RGS22: variants seen among roughly 807,000 people sequenced by gnomAD.
The protein encoded by RGS22 is regulator of G protein signaling 22.
In RGS22, 148 loss-of-function variants were observed where a neutral mutation model predicts 172.9. The observed-to-expected ratio is 0.86, with a 90% CI of 0.75 to 0.98. The LOEUF (loss-of-function observed/expected upper bound fraction) is 0.98. Among genes scored for constraint, RGS22 ranks in the 50% least tolerant of loss-of-function variants. RGS22 has a pLI of 0.00. For missense variants in RGS22, 1,347 were observed against 1,440.8 expected, an observed-to-expected ratio of 0.93 and a Z score of 1.05; for synonymous variants, 458 against 480.2, an observed-to-expected ratio of 0.95 and a Z score of 0.60.
intron 1 of RGS22, chr8:100,105,631 C>A (rs531995380): frequency 1.7e-6 from 1 of 590,988 alleles, no homozygotes; most frequent in South Asian, 2.2e-5. Flanking sequence ...CACTGTGACC[C>A]AGGAGTTACC....
chr8:100,037,700 G>A (rs1304252472), intron 14 of RGS22, among the ~76,000 whole-genome samples: 1 of 152,200 alleles, frequency 6.6e-6, no homozygotes, highest in Non-Finnish European at 1.5e-5. Context: ...CTTTGTAGTA[G>A]TGAAAACATA....
intron 15 of RGS22, among the ~76,000 whole-genome samples, chr8:100,006,908 G>C (rs189916717): frequency 1.3e-5 from 2 of 152,020 alleles, no homozygotes; most frequent in East Asian, 3.9e-4. Flanking sequence ...TTGGTTTAGG[G>C]AAGTTAGTTA....
intron 18 of RGS22, 69 bp downstream of exon 18, chr8:100,002,133 T>C (rs1815152677): frequency 8.0e-7 from 1 of 1,252,742 alleles, no homozygotes; most frequent in Non-Finnish European, 1.1e-6. Context: ...TTTCAGGTTG[T>C]TGGCAAAAAT....
At chr8:100,041,714 AT>A (rs1217755638) in intron 12 of RGS22, 87 bp downstream of exon 12, 1 of 714,014 alleles carries the variant, frequency 1.4e-6, no homozygotes, top group Non-Finnish European at 2.3e-6. Context: ...AAAAAATATT[AT>A]GATAAATCAA....
intron 4 of RGS22, among the ~76,000 whole-genome samples, chr8:100,076,846 A>G (rs1311696104): frequency 6.6e-6 from 1 of 152,178 alleles, no homozygotes; most frequent in Non-Finnish European, 1.5e-5. Context: ...TGCAAAAAGT[A>G]TCTGTGCATG....
chr8:100,081,375 T>TATATAC (rs1467686469), intron 3 of RGS22, among the ~76,000 whole-genome samples: 2 of 148,298 alleles, frequency 1.3e-5, no homozygotes, highest in Non-Finnish European at 3.0e-5. Flanking sequence ...TATATATATA[T>TATATAC]ATATATATTT....
Position 100,052,911 on chromosome 8 carries a change from C to T in RGS22, c.1580G>A (p.Trp527Ter). The T allele has an allele frequency of 6.2e-7, 1 of 1,613,966 alleles. No homozygotes were observed. The highest frequency in any genetic ancestry group is 8.5e-7 in the Non-Finnish European group (1 of 1,179,982). ...TKYASAELKF[W>*]HLRQAKPRKD... ...CCTTGGTTTTGCTTGACGGAGGTGCCAGAATTTCAGTTCAGCACTAGCATA... is the reference window on the plus strand; with the variant it reads ...CCTTGGTTTTGCTTGACGGAGGTGCTAGAATTTCAGTTCAGCACTAGCATA... Residue 527 changes from tryptophan to a stop codon, truncating the protein, a stop_gained, in exon 10 of 28, where the codon TGG (tryptophan) becomes TAG (stop). Coordinates refer to ENST00000360863, the MANE Select transcript of RGS22 (RefSeq NM_015668.5). LOFTEE classifies it high-confidence loss of function.
At chr8:100,097,367 G>T (rs578018280) in intron 2 of RGS22, among the ~76,000 whole-genome samples, 101 of 152,272 alleles carry the variant, frequency 6.6e-4, no homozygotes, top group African/African-American at 2.3e-3. Context: ...AATAGTTCAT[G>T]ATACTTATGA....
chr8:100,013,061 C>T (rs1482559061), intron 14 of RGS22, among the ~76,000 whole-genome samples: 1 of 144,362 alleles, frequency 6.9e-6, no homozygotes, highest in East Asian at 2.0e-4. Flanking sequence ...GTAATCTCGG[C>T]TCACTGCAAG....
rs1272975296 is a variant in RGS22, at chr8:100,002,233, T to C, written c.2759A>G (p.Asn920Ser). ...YLNKKYFFGPNSPASLYQQNQ... is the reference protein window; with the variant it reads ...YLNKKYFFGPSSPASLYQQNQ... ...CTGCTGATACAGAGAAGCTGGACTG[T>C]TGGGTCCAAAGAAATATTTTTTATT... Residue 920 changes from asparagine to serine, a missense_variant, in exon 18 of 28, where the codon AAC becomes AGC. Asn to Ser is a conservative substitution (Grantham distance 46). Transcript: ENST00000360863. The C allele has an allele frequency of 1.9e-6, 3 of 1,605,794 alleles. No homozygotes were observed. Among genetic ancestry groups the C allele is most frequent in the African/African-American group, 1.3e-5 (1 of 74,356 alleles).
At chr8:100,105,821 A>G (rs1246452911) in intron 1 of RGS22, 76 bp downstream of exon 1, 26 of 1,308,548 alleles carry the variant, frequency 2.0e-5, no homozygotes, top group East Asian at 2.9e-5. Flanking sequence ...GGCAGGAGGT[A>G]AAGTCCAGAG....
At chr8:100,002,141 A>G (rs943327254) in intron 18 of RGS22, 61 bp downstream of exon 18, 1 of 1,349,858 alleles carries the variant, frequency 7.4e-7, no homozygotes, top group Non-Finnish European at 1.0e-6. Flanking sequence ...TGTTGGCAAA[A>G]ATAGAAATAA....
In RGS22 at chr8:99,999,235, A is replaced by C. The variant is rs762184451; in HGVS notation, c.2949+27T>G. On this transcript the variant is annotated intron_variant, in intron 19 of 27. Transcript: ENST00000360863. ...GTTTTCAGAGGTACTGACAACTGCT[A>C]TCAAAAGATTATACTAATTTATATA... 12 of 1,601,758 alleles carry C rather than the reference A, an allele frequency of 7.5e-6. No individual in the cohort carries two copies. In the African/African-American group the frequency reaches 1.5e-4, roughly 20 times the overall value.
chr8:100,082,469 A>G lies in RGS22; in HGVS notation c.118-2114T>C, dbSNP rs116170584. Among the ~76,000 whole-genome samples the G allele has an allele frequency of 8.1e-3, 1,235 of 152,268 alleles. 19 individuals are homozygous for G. The highest frequency in any genetic ancestry group is 0.028 in the African/African-American group (1,183 of 41,560). On this transcript the variant is annotated intron_variant, in intron 3 of 27. Coordinates refer to ENST00000360863, the MANE Select transcript of RGS22 (RefSeq NM_015668.5). ...AATGTTTAGCTCCTACAGATAAGTGAGAACATGTGGTATTTGGTTTTCTGT... is the reference window on the plus strand; with the variant it reads ...AATGTTTAGCTCCTACAGATAAGTGGGAACATGTGGTATTTGGTTTTCTGT...
chr8:99,976,405 A>C (rs1811940077), intron 23 of RGS22, among the ~76,000 whole-genome samples: 2 of 152,118 alleles, frequency 1.3e-5, no homozygotes, highest in Non-Finnish European at 2.9e-5. Context: ...TCTGTTGCCC[A>C]GGCTGGAGTG....
At chr8:100,057,216 T>C (rs1286537603) in intron 9 of RGS22, among the ~76,000 whole-genome samples, 2 of 152,238 alleles carry the variant, frequency 1.3e-5, no homozygotes, top group African/African-American at 4.8e-5. Flanking sequence ...ATTTACGTCA[T>C]TCCTGTACCT....
chr8:100,034,275 T>C (rs962181566), intron 14 of RGS22, among the ~76,000 whole-genome samples: 21 of 152,144 alleles, frequency 1.4e-4, no homozygotes, highest in African/African-American at 4.6e-4. Context: ...AGTCTCAGGA[T>C]ACAAAATCAA....
rs772366482 is a variant in RGS22 at position 100,105,422 on chromosome 8, T to G, written c.26-20A>C. The G allele has an allele frequency of 3.1e-6, 5 of 1,591,538 alleles. No homozygotes were observed. Among genetic ancestry groups the G allele is most frequent in the Non-Finnish European group, 4.3e-6 (5 of 1,160,290 alleles). On this transcript the variant is annotated intron_variant, in intron 1 of 27. Transcript: ENST00000360863. ...GTGGCTCTGAAACAAGACAAAATATTACATTATCTCCCTCAAATCTGATTT... is the reference window on the plus strand; with the variant it reads ...GTGGCTCTGAAACAAGACAAAATATGACATTATCTCCCTCAAATCTGATTT...
chr8:100,083,455 C>A (rs894319181), intron 3 of RGS22, among the ~76,000 whole-genome samples: 17 of 152,012 alleles, frequency 1.1e-4, no homozygotes, highest in African/African-American at 3.9e-4. Context: ...GCAACCTCTG[C>A]CTCCTGGGTT....
Sources: gnomAD v4.1 joint callset for allele counts (sites outside exome capture counted in the v4.1 genomes callset) on GRCh38, gnomAD v4.1.1 for gene constraint, MANE v1.5 for transcripts, NCBI Gene and HGNC (gene_info 2026-07-23, HGNC 2026-07-21) for gene names.